NFKBIZ: variants seen among roughly 807,000 people sequenced by gnomAD.
NFKBIZ encodes the protein NFKB inhibitor zeta.
A neutral mutation model predicts 76.8 loss-of-function variants in NFKBIZ; 19 were observed. That is an observed-to-expected ratio of 0.25 (90% CI 0.17 to 0.36). The LOEUF (loss-of-function observed/expected upper bound fraction) is 0.36, where lower values mean the gene tolerates loss of function less well. Among genes scored for constraint, NFKBIZ ranks in the 10% least tolerant of loss-of-function variants. NFKBIZ has a pLI of 1.00. For missense variants in NFKBIZ, 829 were observed against 910.9 expected, an observed-to-expected ratio of 0.91 and a Z score of 1.16; for synonymous variants, 368 against 354.8, an observed-to-expected ratio of 1.04 and a Z score of -0.42.
Position 101,849,804 on chromosome 3 carries a change from C to T in NFKBIZ, c.176C>T (p.Ala59Val), listed in dbSNP as rs1942920129. ...AGCTGCTCGGTCTTGGGCCCCTCGGCGCCCGGCTCGCCCGGCTCCGACTCC... is the reference window on the plus strand; with the variant it reads ...AGCTGCTCGGTCTTGGGCCCCTCGGTGCCCGGCTCGCCCGGCTCCGACTCC... ...DASCSVLGPS[A>V]PGSPGSDSSD... Residue 59 changes from alanine (A) to valine (V), a missense_variant, in exon 1 of 12, where the codon GCG (alanine) becomes GTG (valine). This residue lies in a region of NFKBIZ where 181 missense variants were observed against 175.3 expected (regional missense o/e 1.03). Transcript: ENST00000326172. 2 of 1,469,478 alleles carry T rather than the reference C, an allele frequency of 1.4e-6. No homozygotes were observed. Among genetic ancestry groups the T allele is most frequent in the African/African-American group, 1.5e-5 (1 of 67,952 alleles). The allele number at this position is 1,469,478 out of a possible 1,614,324, so 91.0% of individuals were successfully genotyped here. A position where few individuals can be genotyped will look rare whatever the true frequency, so the allele number is the denominator to read the frequency against.
chr3:101,859,582 G>A lies in NFKBIZ; in HGVS notation c.*211G>A. 1 of 383,104 alleles carries A rather than the reference G, an allele frequency of 2.6e-6. No homozygotes were observed. Among genetic ancestry groups the A allele is most frequent in the Non-Finnish European group, 4.8e-6 (1 of 207,590 alleles). The allele number at this position is 383,104 out of a possible 1,614,324, so 23.7% of individuals were successfully genotyped here. A position where few individuals can be genotyped will look rare whatever the true frequency, so the allele number is the denominator to read the frequency against. ...GGCAGATTTGCATATTTCATACCCA[G>A]GTATCTGGGATCTAGACATCTGAAT... is the stretch of plus-strand genomic sequence containing the variant. On this transcript the variant is annotated 3_prime_UTR_variant, in exon 12 of 12. Transcript: ENST00000326172.
At chr3:101,849,215 CGGAGGCG>C (rs71132602), upstream of NFKBIZ, 29,485 of 154,484 alleles carry the variant, frequency 0.19, 3,265 homozygotes, top group East Asian at 0.35. Context: ...GACGGGGTCC[CGGAGGCG>C]GGAGGCGGGA....
chr3:101,853,238 A>T lies in NFKBIZ; in HGVS notation c.712A>T (p.Ser238Cys). The part of the protein sequence containing the change: ...SPVSLNTVQV[S>C]WLNPVVVPQS... ...CGTTTCCCTGAACACAGTTCAAGTT[A>T]GCTGGCTGAACCCCGTGGTGGTCCC... is the stretch of plus-strand genomic sequence containing the variant. The change falls in exon 5 of 12, where the codon AGC (serine) becomes TGC (cysteine). Residue 238 changes from serine (S) to cysteine (C), a missense_variant. Physicochemically the swap from Ser to Cys is moderately radical, Grantham distance 112. Coordinates refer to ENST00000326172, the MANE Select transcript of NFKBIZ (RefSeq NM_031419.4). 1 of 1,614,200 alleles carries T rather than the reference A, an allele frequency of 6.2e-7. No homozygotes were observed. The highest frequency in any genetic ancestry group is 1.1e-5 in the South Asian group (1 of 91,090).
intron 5 of NFKBIZ, 87 bp from the exon 6 acceptor site, chr3:101,854,491 C>T: frequency 1.2e-6 from 1 of 810,872 alleles, no homozygotes; most frequent in Non-Finnish European, 2.0e-6. Context: ...AAAAAGGGGG[C>T]TAAAGGAAGA....
In NFKBIZ at chr3:101,860,589, G is replaced by A. The variant is rs1366913929; in HGVS notation, c.*1218G>A. Reference sequence around the variant, plus strand: ...CCTTTATTGAAACAACAAAAAGTCAGTATTGAAACATATCTTCCTGTTTTC... The same window carrying A: ...CCTTTATTGAAACAACAAAAAGTCAATATTGAAACATATCTTCCTGTTTTC... On this transcript the variant is annotated 3_prime_UTR_variant, in exon 12 of 12. Transcript: ENST00000326172. 2 of 152,058 alleles carry A rather than the reference G, an allele frequency of 1.3e-5. No homozygotes were observed. The highest frequency in any genetic ancestry group is 2.9e-5 in the Non-Finnish European group (2 of 68,006). 9.4% of individuals were successfully genotyped at this position (152,058 alleles called of 1,614,324 possible).
intron 2 of NFKBIZ, among the ~76,000 whole-genome samples, chr3:101,836,359 G>A (rs1942720313): frequency 6.6e-6 from 1 of 152,182 alleles, no homozygotes; most frequent in Admixed American, 6.5e-5. Context: ...GGCTCTCCGG[G>A]AACTCTCTAC....
chr3:101,856,228 T>G (rs894387018), intron 9 of NFKBIZ, among the ~76,000 whole-genome samples: 1 of 152,142 alleles, frequency 6.6e-6, no homozygotes, highest in Non-Finnish European at 1.5e-5. Context: ...TTTTTTGTAT[T>G]TTTAGTAGAG....
intron 2 of NFKBIZ, among the ~76,000 whole-genome samples, chr3:101,838,649 T>C (rs1438569031): frequency 6.6e-6 from 1 of 152,244 alleles, no homozygotes; most frequent in Non-Finnish European, 1.5e-5. Flanking sequence ...TGGCCTAAAG[T>C]ATCCAGAAAA....
chr3:101,857,601 T>C (rs1943070110), intron 11 of NFKBIZ, 142 bp downstream of exon 11: 1 of 1,458,660 alleles, frequency 6.9e-7, no homozygotes, highest in Non-Finnish European at 9.0e-7. Context: ...GTAGCTGTCA[T>C]AGCATTGTGG....
exon 1 of NFKBIZ, chr3:101,828,130 G>A (rs1280666341): frequency 6.6e-6 from 1 of 152,168 alleles, no homozygotes; most frequent in Non-Finnish European, 1.5e-5. Context: ...ATTACAGCTG[G>A]AAACAATTGA....
intron 11 of NFKBIZ, 42 bp from the exon 12 acceptor site, chr3:101,859,276 A>G (rs768741929): frequency 6.5e-7 from 1 of 1,545,274 alleles, no homozygotes; most frequent in Non-Finnish European, 8.9e-7. Flanking sequence ...CACATTGGCC[A>G]TAAGAAATAA....
rs368763761 is a variant in NFKBIZ at position 101,829,879 on chromosome 3, T to TGTG, written c.-12+191_-12+192insGTG. On this transcript the variant is annotated intron_variant, in intron 2 of 12. Coordinates refer to the NFKBIZ transcript ENST00000394054. ...GTGATTTCATGAGAACTAAGATTTT[T>TGTG]TGTGTGTGTGTGTGTGTGTGTGGTT... Among the ~76,000 whole-genome samples the TGTG allele has an allele frequency of 6.4e-3, 962 of 150,380 alleles. 4 individuals carry two copies. Among genetic ancestry groups the TGTG allele is most frequent in the African/African-American group, 0.017 (698 of 40,974 alleles).
In NFKBIZ at chr3:101,855,479, T is replaced by C. The variant is rs774645641; in HGVS notation, c.1654+21T>C. On this transcript the variant is annotated intron_variant, in intron 8 of 11. Transcript: ENST00000326172. The stretch of plus-strand genomic sequence containing the variant: ...TGATGGTAAGCAACTGAAACTTTAT[T>C]AGATTCAGAGCCACTTAGGGGGAAC... 6 of 1,604,092 alleles carry C rather than the reference T, an allele frequency of 3.7e-6. No individual in the cohort carries two copies. In the South Asian group the frequency reaches 6.6e-5, roughly 18 times the overall value.
rs137948507 is a variant in NFKBIZ, at chr3:101,857,138, C to T, written c.1890C>T (p.Arg630=). 1.3e-5 allele frequency: 21 copies of T among 1,608,264 alleles called. No individual in the cohort carries two copies. The African/African-American group carries it at 2.4e-4, about 19-fold the overall frequency. Residue 630 remains arginine (R), a synonymous_variant, in exon 10 of 12, where the codon CGC becomes CGT. Transcript: ENST00000326172. ...AAEEANLELI[R]LFLELPSCLS... ...AAGAAGCAAATCTGGAACTCATTCGCCTCTTTTTGGAGCTGCCCAGTTGCC... is the reference window on the plus strand; with the variant it reads ...AAGAAGCAAATCTGGAACTCATTCGTCTCTTTTTGGAGCTGCCCAGTTGCC...
At chr3:101,832,565 C>G (rs184946428) in intron 2 of NFKBIZ, among the ~76,000 whole-genome samples, 1 of 152,164 alleles carries the variant, frequency 6.6e-6, no homozygotes, top group Non-Finnish European at 1.5e-5. Flanking sequence ...TCATATAATA[C>G]CTATCTTCTT....
At chr3:101,846,269 A>G (rs1343160561), upstream of NFKBIZ, among the ~76,000 whole-genome samples, 1 of 152,236 alleles carries the variant, frequency 6.6e-6, no homozygotes, top group Non-Finnish European at 1.5e-5. Flanking sequence ...GCTGTCTCCC[A>G]CAGCATGAGT....
At chr3:101,856,379 A>T (rs151302862) in intron 9 of NFKBIZ, among the ~76,000 whole-genome samples, 2 of 152,320 alleles carry the variant, frequency 1.3e-5, no homozygotes, top group South Asian at 2.1e-4. Context: ...AGATCATTTC[A>T]TGTGTTTTCT....
chr3:101,852,172 A>G lies in NFKBIZ; in HGVS notation c.377A>G (p.His126Arg), dbSNP rs746092557. Residue 126 changes from histidine (H) to arginine (R), a missense_variant, in exon 2 of 12, where the codon CAC becomes CGC. Physicochemically the swap from His to Arg is conservative, Grantham distance 29 (BLOSUM62 0). Coordinates refer to ENST00000326172, the MANE Select transcript of NFKBIZ (RefSeq NM_031419.4). ...VKNSVKELLL[H>R]IRSHKQKASG... Reference sequence around the variant, plus strand: ...AACTCAGTGAAGGAACTCCTGTTGCACATCCGAAGTCATAAACAGAAGGCT... The same window carrying G: ...AACTCAGTGAAGGAACTCCTGTTGCGCATCCGAAGTCATAAACAGAAGGCT... 2 of 1,614,246 alleles carry G rather than the reference A, an allele frequency of 1.2e-6. No individual in the cohort carries two copies. Among genetic ancestry groups the G allele is most frequent in the East Asian group, 2.2e-5 (1 of 44,892 alleles).
At chr3:101,854,780 C>G (rs1298143194) in intron 6 of NFKBIZ, 97 bp downstream of exon 6, 1 of 791,484 alleles carries the variant, frequency 1.3e-6, no homozygotes, top group Non-Finnish European at 2.0e-6. Flanking sequence ...AGCTCAAGAT[C>G]AAGAGAGTTT....
Sources: allele counts gnomAD v4.1 joint callset (sites outside exome capture counted in the v4.1 genomes callset), GRCh38; gene constraint gnomAD v4.1.1; regional missense constraint gnomAD v4.1.1; transcripts MANE v1.5; gene names NCBI Gene and HGNC (gene_info 2026-07-23, HGNC 2026-07-21).